Variants in CDNF observed in about 807,000 individuals in gnomAD.
CDNF encodes the protein cerebral dopamine neurotrophic factor.
A neutral mutation model predicts 14.8 loss-of-function variants in CDNF; 9 were observed. The ratio of observed to expected loss-of-function variants is 0.61; its 90% CI spans 0.37 to 1.06. The LOEUF is 1.06. Ranked by LOEUF, CDNF falls within the 50% of genes least tolerant of loss-of-function variation. CDNF has a pLI of 0.01. For synonymous variants in CDNF, 86 were observed against 87.2 expected, an observed-to-expected ratio of 0.99 and a Z score of 0.07; for missense variants, 228 against 228.4, an observed-to-expected ratio of 1.00 and a Z score of 0.01.
At chr10:14,837,114 G>T (rs573856510) in intron 1 of CDNF, among the ~76,000 whole-genome samples, 3 of 152,154 alleles carry the variant, frequency 2.0e-5, no homozygotes, top group Non-Finnish European at 4.4e-5. Context: ...TGGAGTGAGC[G>T]CTACAGGAGT....
At chr10:14,827,498 G>A (rs979352535) in intron 2 of CDNF, among the ~76,000 whole-genome samples, 1 of 152,054 alleles carries the variant, frequency 6.6e-6, no homozygotes, top group Non-Finnish European at 1.5e-5. Flanking sequence ...AAAATATTTT[G>A]ATAAGTTTGA....
intron 3 of CDNF, among the ~76,000 whole-genome samples, chr10:14,823,423 G>A (rs1205719810): frequency 1.3e-5 from 2 of 152,170 alleles, no homozygotes; most frequent in African/African-American, 4.8e-5. Context: ...ATTGTTTAAG[G>A]AGCCCTGTAA....
chr10:14,830,765 G>C (rs540605936), intron 1 of CDNF, among the ~76,000 whole-genome samples: 2 of 152,208 alleles, frequency 1.3e-5, no homozygotes, highest in South Asian at 4.2e-4. Context: ...AGAAATGCTT[G>C]AACCCGGGAG....
chr10:14,822,191 C>T (rs978322768), intron 3 of CDNF, among the ~76,000 whole-genome samples: 4 of 152,150 alleles, frequency 2.6e-5, no homozygotes, highest in African/African-American at 7.2e-5. Flanking sequence ...GCCAACCTGG[C>T]TTCTAAAATT....
chr10:14,833,821 G>A (rs1240710603), intron 1 of CDNF, among the ~76,000 whole-genome samples: 2 of 152,096 alleles, frequency 1.3e-5, no homozygotes, highest in African/African-American at 4.8e-5. Context: ...AAAACAACCA[G>A]AAAAAGACGG....
Position 14,820,085 on chromosome 10 carries a change from G to A in CDNF, c.459C>T (p.Ser153=). The A allele has an allele frequency of 6.2e-7, 1 of 1,614,158 alleles. No individual in the cohort carries two copies. The highest frequency in any genetic ancestry group is 1.1e-5 in the South Asian group (1 of 91,090). The stretch of plus-strand genomic sequence containing the variant: ...CACAGGCCCTGCACTCCTCCCCCCA[G>A]CTATGCAGGATCTGCTTCAGCTCTG... ...RVAELKQILH[S]WGEECRACAE... The change falls in exon 4 of 4, where the codon AGC becomes AGT. Residue 153 remains serine, a synonymous_variant. Coordinates refer to ENST00000465530, the MANE Select transcript of CDNF (RefSeq NM_001029954.3).
intron 3 of CDNF, among the ~76,000 whole-genome samples, chr10:14,821,118 ATAGT>A (rs1833734620): frequency 6.6e-6 from 1 of 151,758 alleles, no homozygotes; most frequent in African/African-American, 2.4e-5. Flanking sequence ...CCAGTCTTAG[ATAGT>A]TCTTTTTCTT....
intron 3 of CDNF, 54 bp from the exon 4 acceptor site, chr10:14,820,212 C>A: frequency 6.4e-7 from 1 of 1,562,032 alleles, no homozygotes; most frequent in Non-Finnish European, 8.7e-7. Flanking sequence ...AAAAAAATCC[C>A]TATGAATCAC....
intron 2 of CDNF, among the ~76,000 whole-genome samples, chr10:14,825,967 A>G (rs1833776324): frequency 1.3e-5 from 2 of 151,430 alleles, no homozygotes; most frequent in African/African-American, 2.4e-5. Context: ...AAAGAAGAAG[A>G]AGAAAAGAAG....
At chr10:14,827,207 G>C (rs1471100884) in intron 2 of CDNF, among the ~76,000 whole-genome samples, 2 of 152,078 alleles carry the variant, frequency 1.3e-5, no homozygotes, top group African/African-American at 2.4e-5. Context: ...GCCAGCCTGG[G>C]TGACAGAGGG....
chr10:14,821,413 C>T (rs1365830369), intron 3 of CDNF, among the ~76,000 whole-genome samples: 3 of 152,308 alleles, frequency 2.0e-5, no homozygotes, highest in African/African-American at 4.8e-5. Context: ...CGTGAGCCAC[C>T]GCGCCTGGCC....
intron 1 of CDNF, among the ~76,000 whole-genome samples, chr10:14,828,615 C>T (rs1346476569): frequency 2.0e-5 from 3 of 151,822 alleles, no homozygotes; most frequent in Non-Finnish European, 4.4e-5. Flanking sequence ...CCACTGCACT[C>T]CAGCCTGGCG....
At chr10:14,826,011 A>AAGAAGAAGAAGAAGG (rs1833777422) in intron 2 of CDNF, among the ~76,000 whole-genome samples, 1 of 130,686 alleles carries the variant, frequency 7.7e-6, no homozygotes, top group East Asian at 2.2e-4. Flanking sequence ...GAAGAAGCAG[A>AAGAAGAAGAAGAAGG]AGCAGAAGAA....
At chr10:14,832,534 A>G (rs1278728023) in intron 1 of CDNF, among the ~76,000 whole-genome samples, 2 of 152,222 alleles carry the variant, frequency 1.3e-5, no homozygotes, top group Non-Finnish European at 2.9e-5. Context: ...ATTACAAGGA[A>G]GCAGAAAAGA....
chr10:14,831,514 A>G (rs1833843175), intron 1 of CDNF, among the ~76,000 whole-genome samples: 1 of 149,492 alleles, frequency 6.7e-6, no homozygotes, highest in Non-Finnish European at 1.5e-5. Context: ...ATACATATAT[A>G]TAAAATACAT....
chr10:14,820,135 C>A lies in CDNF; in HGVS notation c.409G>T (p.Val137Phe). Reference sequence around the variant, plus strand: ...GCCACTCTCATCTTCCGCAGGTCAACTGATGCCAAGTCCAGTGTTTTTTCT... The same window carrying A: ...GCCACTCTCATCTTCCGCAGGTCAAATGATGCCAAGTCCAGTGTTTTTTCT... ...KYEKTLDLAS[V>F]DLRKMRVAEL... Residue 137 changes from valine (V) to phenylalanine (F), a missense_variant, in exon 4 of 4, where the codon GTT becomes TTT. Physicochemically the swap from Val to Phe is conservative, Grantham distance 50. Transcript: ENST00000465530. 6.2e-7 allele frequency: 1 copy of A among 1,612,390 alleles called. No individual in the cohort carries two copies. The highest frequency in any genetic ancestry group is 8.5e-7 in the Non-Finnish European group (1 of 1,179,596).
In CDNF at chr10:14,819,913, C is replaced by T; in HGVS notation, c.*67G>A. On this transcript the variant is annotated 3_prime_UTR_variant, in exon 4 of 4. Coordinates refer to ENST00000465530, the MANE Select transcript of CDNF (RefSeq NM_001029954.3). ...TGCATTCCCAGTTATCCTTAATCAA[C>T]ATGTCCATATCCTAGAGAGTCACTT... The T allele has an allele frequency of 1.4e-6, 2 of 1,435,190 alleles. No homozygotes were observed. The highest frequency in any genetic ancestry group is 1.3e-5 in the South Asian group (1 of 76,972). 88.9% of individuals were successfully genotyped at this position (1,435,190 alleles called of 1,614,324 possible). A position where few individuals can be genotyped will look rare whatever the true frequency, so the allele number is the denominator to read the frequency against.
chr10:14,830,010 C>T (rs953121728), intron 1 of CDNF, among the ~76,000 whole-genome samples: 8 of 152,228 alleles, frequency 5.3e-5, no homozygotes, highest in Non-Finnish European at 1.0e-4. Context: ...TTGCGCCACA[C>T]GATACTCATA....
At chr10:14,836,304 G>A (rs1365321886) in intron 1 of CDNF, 1 of 152,162 alleles carries the variant, frequency 6.6e-6, no homozygotes, top group Non-Finnish European at 1.5e-5. Context: ...CCTAACAAAT[G>A]AAATATATAG....
Sources: gnomAD v4.1 joint callset for allele counts (sites outside exome capture counted in the v4.1 genomes callset) on GRCh38, gnomAD v4.1.1 for gene constraint, MANE v1.5 for transcripts, NCBI Gene and HGNC (gene_info 2026-07-23, HGNC 2026-07-21) for gene names.